The following LRBA variants were observed in gnomAD, a reference collection of about 807,000 sequenced individuals.
The protein encoded by LRBA is lipopolysaccharide-responsive and beige-like anchor protein.
In LRBA, 176 loss-of-function variants were observed where a neutral mutation model predicts 330.0. The ratio of observed to expected loss-of-function variants is 0.53; its 90% confidence interval spans 0.47 to 0.60. LRBA has a LOEUF of 0.60. LRBA is among the 20% of genes least tolerant of loss of function. LRBA has a pLI of 0.00. For synonymous variants in LRBA, 1,230 were observed against 1,193.0 expected (o/e 1.03, Z -0.64); for missense variants, 3,259 against 3,444.8 (o/e 0.95, Z 1.35).
intron 48 of LRBA, among the ~76,000 whole-genome samples, chr4:150,343,368 A>C (rs1010164220): frequency 7.2e-5 from 11 of 152,196 alleles, no homozygotes; most frequent in African/African-American, 2.7e-4. Flanking sequence ...TTATAATTGA[A>C]ATTACAGTCT....
chr4:150,374,929 G>C (rs1302575968), intron 47 of LRBA, among the ~76,000 whole-genome samples: 1 of 152,178 alleles, frequency 6.6e-6, no homozygotes, highest in Admixed American at 6.5e-5. Context: ...CAGGGTCCTA[G>C]CAGGAAACAG....
At chr4:150,489,305 T>TATAAGAATATATAATATATTAC (rs1561250675) in intron 41 of LRBA, among the ~76,000 whole-genome samples, 2 of 62,382 alleles carry the variant, frequency 3.2e-5, no homozygotes, top group African/African-American at 1.4e-4. Flanking sequence ...TAATATATTA[T>TATAAGAATATATAATATATTAC]ATATAAGAAT....
chr4:150,754,411 G>C (rs1733988875), intron 35 of LRBA, among the ~76,000 whole-genome samples: 1 of 149,166 alleles, frequency 6.7e-6, no homozygotes. Flanking sequence ...AAATCACCCA[G>C]AGAAACTTCT....
chr4:150,735,658 G>C (rs1050811997), intron 35 of LRBA, among the ~76,000 whole-genome samples: 8 of 152,150 alleles, frequency 5.3e-5, no homozygotes, highest in Non-Finnish European at 8.8e-5. Flanking sequence ...AAGTTACCAA[G>C]GCAGCCAAAA....
intron 32 of LRBA, among the ~76,000 whole-genome samples, chr4:150,807,628 T>TTTGTTGTTG (rs57037174): frequency 5.8e-4 from 87 of 149,762 alleles, no homozygotes; most frequent in African/African-American, 1.9e-3. Flanking sequence ...ATATCAGCAT[T>TTTGTTGTTG]TTGTTGTTGT....
chr4:150,551,684 A>G (rs1450367965), intron 40 of LRBA, among the ~76,000 whole-genome samples: 1 of 151,644 alleles, frequency 6.6e-6, no homozygotes, highest in African/African-American at 2.4e-5. Flanking sequence ...TAAAAAAAAA[A>G]GCAAAAAGCT....
intron 40 of LRBA, among the ~76,000 whole-genome samples, chr4:150,587,646 CA>C (rs1772282859): frequency 6.6e-6 from 1 of 152,046 alleles, no homozygotes; most frequent in Non-Finnish European, 1.5e-5. Flanking sequence ...GTCATGGGGA[CA>C]AAGCAAGGAG....
At position 150,744,977 on chromosome 4, in the gene LRBA, G is replaced by A. The variant is rs1241767410; in HGVS notation, c.5646-9611C>T. Among the ~76,000 whole-genome samples the A allele has an allele frequency of 2.0e-5, 3 of 152,322 alleles. No individual in the cohort carries two copies. The South Asian group carries it at 6.2e-4, about 32-fold the overall frequency. On this transcript the variant is annotated intron_variant, in intron 35 of 56. Transcript: ENST00000651943. The stretch of plus-strand genomic sequence containing the variant: ...AGATTCTCCTGCCACCCCTGAAGAA[G>A]AAGTAAGTGGCTATGTGTGACCAGG...
At chr4:150,573,500 C>T (rs1036426306) in intron 40 of LRBA, among the ~76,000 whole-genome samples, 3 of 152,110 alleles carry the variant, frequency 2.0e-5, no homozygotes, top group Admixed American at 6.6e-5. Flanking sequence ...CCATTTAAGA[C>T]CTATTTTAGA....
chr4:150,369,237 T>C (rs1200742537), intron 47 of LRBA, among the ~76,000 whole-genome samples: 2 of 152,152 alleles, frequency 1.3e-5, no homozygotes, highest in Non-Finnish European at 2.9e-5. Context: ...TTTAACTATC[T>C]CATTCTTTCT....
chr4:150,376,238 T>C (rs1741301939), intron 47 of LRBA, among the ~76,000 whole-genome samples: 1 of 152,202 alleles, frequency 6.6e-6, no homozygotes, highest in Non-Finnish European at 1.5e-5. Flanking sequence ...AAGGTGTCCT[T>C]ATTTTACTTT....
At chr4:151,003,509 A>G (rs1743650344) in intron 2 of LRBA, among the ~76,000 whole-genome samples, 1 of 152,128 alleles carries the variant, frequency 6.6e-6, no homozygotes. Flanking sequence ...ACTACTTGAC[A>G]AGATGTATAT....
chr4:150,472,341 G>T (rs902845863), intron 42 of LRBA, among the ~76,000 whole-genome samples: 1 of 151,904 alleles, frequency 6.6e-6, no homozygotes, highest in African/African-American at 2.4e-5. Context: ...AGAAACAGAT[G>T]GCAGAATTAG....
intron 47 of LRBA, among the ~76,000 whole-genome samples, chr4:150,412,986 A>T (rs1747226876): frequency 6.6e-6 from 1 of 151,948 alleles, no homozygotes; most frequent in Non-Finnish European, 1.5e-5. Flanking sequence ...TTTATGGAGA[A>T]TACACAAAGA....
chr4:150,927,386 A>G (rs1734003384), intron 4 of LRBA, among the ~76,000 whole-genome samples: 1 of 152,004 alleles, frequency 6.6e-6, no homozygotes, highest in Admixed American at 6.6e-5. Flanking sequence ...AAAAAAAAAA[A>G]AAAAATTTAC....
chr4:150,939,083 C>T (rs754920557), intron 2 of LRBA, among the ~76,000 whole-genome samples: 6 of 152,114 alleles, frequency 3.9e-5, no homozygotes, highest in Non-Finnish European at 7.3e-5. Flanking sequence ...ACAGCCTATT[C>T]CCTGACTATA....
At chr4:150,483,220 T>C (rs2152085136) in intron 42 of LRBA, among the ~76,000 whole-genome samples, 1 of 152,116 alleles carries the variant, frequency 6.6e-6, no homozygotes, top group South Asian at 2.1e-4. Context: ...GATAACCAAT[T>C]GTTCATCATC....
At chr4:150,375,550 C>T (rs931334530) in intron 47 of LRBA, among the ~76,000 whole-genome samples, 1 of 151,888 alleles carries the variant, frequency 6.6e-6, no homozygotes, top group East Asian at 1.9e-4. Flanking sequence ...CTCCGCCTCC[C>T]GAGTTCAAGT....
At chr4:151,006,693 G>GA (rs1016661438) in intron 2 of LRBA, among the ~76,000 whole-genome samples, 7 of 150,860 alleles carry the variant, frequency 4.6e-5, no homozygotes, top group South Asian at 2.1e-4. Flanking sequence ...TCACAAACAG[G>GA]AAAAAAAAAT....
Sources: gnomAD v4.1 joint callset for allele counts (sites outside exome capture counted in the v4.1 genomes callset) on GRCh38, gnomAD v4.1.1 for gene constraint, MANE v1.5 for transcripts, NCBI Gene and HGNC (gene_info 2026-07-23, HGNC 2026-07-21) for gene names.